MYO5B: variants seen among roughly 807,000 people sequenced by gnomAD.
The protein encoded by MYO5B is unconventional myosin-Vb.
MYO5B carries 143 observed loss-of-function variants against 229.3 expected under a neutral mutation model. That is an observed-to-expected ratio of 0.62 (90% CI 0.54 to 0.72). MYO5B has a LOEUF of 0.72. MYO5B is among the 30% of genes least tolerant of loss of function. MYO5B has a pLI of 0.00. For synonymous variants in MYO5B, 918 were observed against 885.2 expected (o/e 1.04, Z -0.66); for missense variants, 2,321 against 2,331.0 (o/e 1.00, Z 0.09).
At position 49,863,268 on chromosome 18, in the gene MYO5B, C is replaced by T; in HGVS notation, c.3903G>A (p.Glu1301=). 1.9e-6 allele frequency: 3 copies of T among 1,613,702 alleles called. No individual in the cohort carries two copies. Among genetic ancestry groups the T allele is most frequent in the Middle Eastern group, 3.5e-4 (2 of 5,686 alleles). The change falls in exon 29 of 40, where the codon GAG becomes GAA. Residue 1301 remains glutamate, a synonymous_variant. Coordinates refer to ENST00000285039, the MANE Select transcript of MYO5B (RefSeq NM_001080467.3). ...WPNSEKHVDQ[E]DAIEAYHGVC... is the part of the protein sequence containing the mutation. The stretch of plus-strand genomic sequence containing the variant: ...CCCCGTGATAGGCCTCAATGGCATC[C>T]TCCTGGTCAACATGCTTTTCACTGT...
Position 50,115,547 on chromosome 18 carries a change from G to GACACACACAC in MYO5B, c.28-60179_28-60170dup, listed in dbSNP as rs56886992. Among the ~76,000 whole-genome samples the GACACACACAC allele has an allele frequency of 4.0e-5, 5 of 125,180 alleles. No individual in the cohort carries two copies. In the South Asian group the frequency reaches 1.3e-3, roughly 31 times the overall value. The allele number at this position is 125,180 out of a possible 152,430, so 82.1% of individuals were successfully genotyped here. A position where few individuals can be genotyped will look rare whatever the true frequency, so the allele number is the denominator to read the frequency against. ...AAACACACACACACACACACAGAGA[G>GACACACACAC]ACACACACACACACACACACACACA... On this transcript the variant is annotated intron_variant, in intron 1 of 39. Transcript: ENST00000285039.
At chr18:50,185,879 T>C (rs1259331636) in intron 1 of MYO5B, among the ~76,000 whole-genome samples, 1 of 152,176 alleles carries the variant, frequency 6.6e-6, no homozygotes, top group Non-Finnish European at 1.5e-5. Flanking sequence ...AAGATAGCCA[T>C]AGATTAAGAT....
At chr18:50,028,728 A>G (rs899760100) in intron 4 of MYO5B, among the ~76,000 whole-genome samples, 4 of 152,242 alleles carry the variant, frequency 2.6e-5, no homozygotes, top group Admixed American at 2.0e-4. Flanking sequence ...CCAAAAGACC[A>G]CTTGCCAGAA....
At chr18:50,004,034 C>A (rs1322581078) in intron 4 of MYO5B, among the ~76,000 whole-genome samples, 1 of 152,130 alleles carries the variant, frequency 6.6e-6, no homozygotes, top group Non-Finnish European at 1.5e-5. Context: ...CACACACCAG[C>A]GATGCTTGTC....
At chr18:50,019,236 G>T (rs567557925) in intron 4 of MYO5B, among the ~76,000 whole-genome samples, 1 of 152,286 alleles carries the variant, frequency 6.6e-6, no homozygotes, top group East Asian at 1.9e-4. Context: ...TAAACGCATA[G>T]AAGTCACAGT....
chr18:50,061,568 C>T (rs895765290), intron 1 of MYO5B, among the ~76,000 whole-genome samples: 1 of 152,168 alleles, frequency 6.6e-6, no homozygotes, highest in African/African-American at 2.4e-5. Flanking sequence ...ACTCCAAAAA[C>T]CTGAGAGAAT....
At chr18:50,110,518 C>G (rs1262500346) in intron 1 of MYO5B, among the ~76,000 whole-genome samples, 1 of 152,076 alleles carries the variant, frequency 6.6e-6, no homozygotes, top group Non-Finnish European at 1.5e-5. Context: ...TGAAAAGTAC[C>G]AGAGCCAGGA....
chr18:50,160,555 G>A (rs866780235), intron 1 of MYO5B, among the ~76,000 whole-genome samples: 12 of 152,208 alleles, frequency 7.9e-5, no homozygotes, highest in Admixed American at 2.0e-4. Context: ...TGTGTTCCTG[G>A]GGACAAGCCA....
At position 49,954,479 on chromosome 18, in the gene MYO5B, G is replaced by T. The variant is rs186568716; in HGVS notation, c.1546-44C>A. On this transcript the variant is annotated intron_variant, in intron 12 of 39. Coordinates refer to ENST00000285039, the MANE Select transcript of MYO5B (RefSeq NM_001080467.3). ...GGGCAGAGCGCTTTGTGAAGAGGAA[G>T]AAGGAAGCCCTGGGTTGCAGCAGAG... The T allele has an allele frequency of 2.2e-3, 3,500 of 1,612,980 alleles. 6 individuals carry two copies. The highest frequency in any genetic ancestry group is 2.6e-3 in the Non-Finnish European group (3,124 of 1,179,348).
At chr18:50,045,379 A>G (rs532502998) in intron 2 of MYO5B, among the ~76,000 whole-genome samples, 1 of 152,286 alleles carries the variant, frequency 6.6e-6, no homozygotes, top group East Asian at 1.9e-4. Context: ...CCTTTGGCAC[A>G]GTGAGTTTGG....
intron 14 of MYO5B, among the ~76,000 whole-genome samples, chr18:49,942,144 T>C (rs1440438461): frequency 8.6e-5 from 13 of 150,836 alleles, no homozygotes; most frequent in Admixed American, 5.9e-4. Flanking sequence ...ATGTAGAAAG[T>C]TGAAACTGGA....
Position 50,145,947 on chromosome 18 carries a change from A to G in MYO5B, c.27+48820T>C, listed in dbSNP as rs1347125569. On this transcript the variant is annotated intron_variant, in intron 1 of 39. Transcript: ENST00000285039. The stretch of plus-strand genomic sequence containing the variant: ...TGATGGAAGAAACCATTTACCAAAA[A>G]CGGATACATTTCGAAGTATTTGTTT... 2.0e-5 allele frequency among the ~76,000 whole-genome samples: 3 copies of G among 152,370 alleles called. No homozygotes were observed. The East Asian group carries it at 5.8e-4, about 29-fold the overall frequency.
intron 2 of MYO5B, among the ~76,000 whole-genome samples, chr18:50,042,260 A>G (rs993630213): frequency 3.3e-5 from 5 of 152,182 alleles, no homozygotes; most frequent in African/African-American, 1.2e-4. Context: ...AAGAAAAACT[A>G]CAGGGACAGT....
At chr18:50,105,196 G>T (rs16951537) in intron 1 of MYO5B, among the ~76,000 whole-genome samples, 6,438 of 137,752 alleles carry the variant, frequency 0.047, 146 homozygotes, top group African/African-American at 0.062. Context: ...AGAGGTCAAG[G>T]CATGGTAAAA....
chr18:49,856,341 G>A (rs1310308363), intron 30 of MYO5B, among the ~76,000 whole-genome samples: 1 of 152,208 alleles, frequency 6.6e-6, no homozygotes, highest in African/African-American at 2.4e-5. Flanking sequence ...CACACATACT[G>A]ATGGCAGGCT....
chr18:49,995,549 C>A (rs2025979010), intron 5 of MYO5B, among the ~76,000 whole-genome samples: 1 of 151,968 alleles, frequency 6.6e-6, no homozygotes, highest in Non-Finnish European at 1.5e-5. Flanking sequence ...TCACTTATAT[C>A]TTTTTATGTA....
chr18:49,936,610 T>C (rs1263757353), intron 15 of MYO5B, among the ~76,000 whole-genome samples: 1 of 152,122 alleles, frequency 6.6e-6, no homozygotes, highest in African/African-American at 2.4e-5. Flanking sequence ...TAACTCCCAG[T>C]GCTGTGGATC....
chr18:50,129,123 G>A (rs1369802362), intron 1 of MYO5B, among the ~76,000 whole-genome samples: 4 of 152,232 alleles, frequency 2.6e-5, no homozygotes, highest in Non-Finnish European at 4.4e-5. Flanking sequence ...CAGGCCCCAC[G>A]GTGGTGGGAG....
chr18:49,900,912 C>T (rs1199522563), intron 21 of MYO5B, among the ~76,000 whole-genome samples: 2 of 152,200 alleles, frequency 1.3e-5, no homozygotes, highest in Admixed American at 1.3e-4. Flanking sequence ...AAAAAACCCG[C>T]AATGCCCCCA....
Sources: gnomAD v4.1 joint callset for allele counts (sites outside exome capture counted in the v4.1 genomes callset) on GRCh38, gnomAD v4.1.1 for gene constraint, MANE v1.5 for transcripts, NCBI Gene and HGNC (gene_info 2026-07-23, HGNC 2026-07-21) for gene names.